Variants in NSMCE1 observed in about 807,000 individuals in gnomAD.
The protein encoded by NSMCE1 is non-structural maintenance of chromosomes element 1 homolog.
NSMCE1 carries 18 observed loss-of-function variants against 29.6 expected under a neutral mutation model. The observed-to-expected ratio is 0.61, with a 90% CI of 0.42 to 0.90. The LOEUF is 0.90. Ranked by LOEUF, NSMCE1 falls within the 40% of genes least tolerant of loss-of-function variation. The pLI is 0.00. For synonymous variants in NSMCE1, 124 were observed against 133.4 expected (o/e 0.93, Z 0.49); for missense variants, 314 against 343.6 (o/e 0.91, Z 0.68).
chr16:27,267,116 C>T (rs1426625984), intron 1 of NSMCE1, among the ~76,000 whole-genome samples: 1 of 151,940 alleles, frequency 6.6e-6, no homozygotes, highest in African/African-American at 2.4e-5. Flanking sequence ...ATTAAAAAAA[C>T]CTTTTCGAAG....
intron 2 of NSMCE1, among the ~76,000 whole-genome samples, chr16:27,237,242 TCGGCGGCTGGAGAGCAGG>T: frequency 6.6e-6 from 1 of 152,372 alleles, no homozygotes; most frequent in South Asian, 2.1e-4. Flanking sequence ...ACATCTGGCC[TCGGCGGCTGGAGAGCAGG>T]CATCAGGAGG....
chr16:27,231,384 C>T (rs1035601456), intron 5 of NSMCE1, among the ~76,000 whole-genome samples: 1 of 152,196 alleles, frequency 6.6e-6, no homozygotes, highest in African/African-American at 2.4e-5. Context: ...CGCCTGTCAT[C>T]CCAGCACTTT....
At chr16:27,229,083 A>G (rs1036590727) in intron 5 of NSMCE1, among the ~76,000 whole-genome samples, 1 of 152,086 alleles carries the variant, frequency 6.6e-6, no homozygotes, top group African/African-American at 2.4e-5. Context: ...CCAAGCCCCT[A>G]ATACGCGTAT....
chr16:27,225,939 T>G (rs2083686064), intron 6 of NSMCE1, 93 bp from the exon 7 acceptor site: 4 of 1,473,206 alleles, frequency 2.7e-6, no homozygotes, highest in Non-Finnish European at 3.7e-6. Context: ...GGGCAGCAGG[T>G]GGCATCGTGT....
chr16:27,257,587 A>G lies in NSMCE1; in HGVS notation c.-11-6T>C, dbSNP rs527799510. 1.9e-5 allele frequency: 31 copies of G among 1,605,008 alleles called. 1 individual carries two copies. The South Asian group carries it at 3.0e-4, about 16-fold the overall frequency. On this transcript the variant is annotated splice_region_variant and splice_polypyrimidine_tract_variant and intron_variant, in intron 1 of 7. Coordinates refer to ENST00000361439, the MANE Select transcript of NSMCE1 (RefSeq NM_145080.4). ...GCCCTGCATGTGGGAACGAACTGAA[A>G]AGGAAGTAAATGACACTAGTCAACC...
intron 2 of NSMCE1, among the ~76,000 whole-genome samples, chr16:27,242,478 C>T (rs1465322014): frequency 1.3e-5 from 2 of 152,196 alleles, no homozygotes; most frequent in African/African-American, 4.8e-5. Flanking sequence ...TTACTGGGCA[C>T]AGTACCTGCA....
intron 2 of NSMCE1, among the ~76,000 whole-genome samples, chr16:27,246,151 A>G (rs2083955626): frequency 1.3e-5 from 2 of 152,124 alleles, no homozygotes; most frequent in South Asian, 2.1e-4. Context: ...TCAAACCCCA[A>G]CGTGACCATG....
At chr16:27,235,576 T>C (rs2083813238) in intron 2 of NSMCE1, among the ~76,000 whole-genome samples, 1 of 152,160 alleles carries the variant, frequency 6.6e-6, no homozygotes, top group African/African-American at 2.4e-5. Context: ...CTTCCTGTCT[T>C]TGCTCGCTGC....
intron 1 of NSMCE1, among the ~76,000 whole-genome samples, chr16:27,261,925 A>G (rs543833726): frequency 2.6e-5 from 4 of 152,370 alleles, no homozygotes; most frequent in Non-Finnish European, 5.9e-5. Context: ...GAGTCACCAC[A>G]TTAATAAAGG....
At chr16:27,265,161 C>CTTTTTTTTTTTTTTTTT (rs5816427) in intron 1 of NSMCE1, among the ~76,000 whole-genome samples, 1 of 82,672 alleles carries the variant, frequency 1.2e-5, no homozygotes. Context: ...AATTCTTTTC[C>CTTTTTTTTTTTTTTTTT]TTTTTTTTTT....
chr16:27,238,533 G>A (rs891973552), intron 2 of NSMCE1, among the ~76,000 whole-genome samples: 6 of 107,152 alleles, frequency 5.6e-5, no homozygotes, highest in Non-Finnish European at 8.9e-5. Context: ...CGAGACCTTC[G>A]CCTTTTTTCT....
chr16:27,256,563 T>C (rs1451384783), intron 2 of NSMCE1, among the ~76,000 whole-genome samples: 1 of 152,224 alleles, frequency 6.6e-6, no homozygotes, highest in Non-Finnish European at 1.5e-5. Flanking sequence ...TCCATCACCT[T>C]TGTCACTGCA....
chr16:27,267,310 G>A (rs1432101642), intron 1 of NSMCE1, among the ~76,000 whole-genome samples: 1 of 151,950 alleles, frequency 6.6e-6, no homozygotes, highest in Non-Finnish European at 1.5e-5. Context: ...CCATTCGTGC[G>A]GGTGCTAACA....
Position 27,257,467 on chromosome 16 carries a change from C to T in NSMCE1, c.104G>A (p.Arg35His), listed in dbSNP as rs145165963. 26 of 1,613,570 alleles carry T rather than the reference C, an allele frequency of 1.6e-5. No homozygotes were observed. The highest frequency in any genetic ancestry group is 4.5e-5 in the East Asian group (2 of 44,862). The change falls in exon 2 of 8, where the codon CGC becomes CAC. Residue 35 changes from arginine to histidine, a missense_variant. Coordinates refer to ENST00000361439, the MANE Select transcript of NSMCE1 (RefSeq NM_145080.4). ...GACCTTGTAGCAGTGCGTCTGCAAGCGCTTCACGTCCCATTCCTCTAGCAC... is the reference window on the plus strand; with the variant it reads ...GACCTTGTAGCAGTGCGTCTGCAAGTGCTTCACGTCCCATTCCTCTAGCAC... Reference protein sequence around the residue: ...HGVLEEWDVKRLQTHCYKVHD... With the variant: ...HGVLEEWDVKHLQTHCYKVHD...
chr16:27,230,918 T>C (rs972488754), intron 5 of NSMCE1: 1 of 152,396 alleles, frequency 6.6e-6, no homozygotes, highest in Non-Finnish European at 1.5e-5. Flanking sequence ...GCGGGGCCTC[T>C]CCTATCCACC....
At chr16:27,261,858 A>G (rs1567285403) in intron 1 of NSMCE1, among the ~76,000 whole-genome samples, 1 of 152,250 alleles carries the variant, frequency 6.6e-6, no homozygotes, top group East Asian at 1.9e-4. Flanking sequence ...AAGGAATGAC[A>G]TATCATCACT....
intron 2 of NSMCE1, among the ~76,000 whole-genome samples, chr16:27,256,517 C>CA (rs1423314252): frequency 2.6e-5 from 4 of 152,104 alleles, no homozygotes; most frequent in Admixed American, 6.5e-5. Context: ...TTGTACTTCA[C>CA]AAAAAAACAA....
intron 2 of NSMCE1, among the ~76,000 whole-genome samples, chr16:27,241,014 C>T (rs1387154538): frequency 6.6e-6 from 1 of 152,154 alleles, no homozygotes. Flanking sequence ...TTGGAGACTG[C>T]AATGAGCTAT....
chr16:27,231,797 C>T lies in NSMCE1; in HGVS notation c.483+1204G>A, dbSNP rs534488033. ...TTGATGGGAGCTGCAGTCCCCAAAC[C>T]GGGGCCTGAACTCGGCCCTGCCACT... On this transcript the variant is annotated intron_variant, in intron 5 of 7. Transcript: ENST00000361439. 1.4e-3 allele frequency among the ~76,000 whole-genome samples: 219 copies of T among 152,292 alleles called. 2 individuals carry two copies. In the Middle Eastern group the frequency reaches 0.024, roughly 17 times the overall value.
Sources: gnomAD v4.1 joint callset for allele counts (sites outside exome capture counted in the v4.1 genomes callset) on GRCh38, gnomAD v4.1.1 for gene constraint, MANE v1.5 for transcripts, NCBI Gene and HGNC (gene_info 2026-07-23, HGNC 2026-07-21) for gene names.